The following TRPM3 variants were observed in gnomAD, a reference collection of about 807,000 sequenced individuals.
TRPM3 encodes the protein transient receptor potential cation channel subfamily M member 3.
In TRPM3, 77 loss-of-function variants were observed where a neutral mutation model predicts 181.2. The observed-to-expected ratio is 0.42, with a 90% confidence interval of 0.35 to 0.51. The LOEUF (loss-of-function observed/expected upper bound fraction) is 0.51. TRPM3 is among the 20% of genes least tolerant of loss of function. TRPM3 has a pLI of 0.01. For synonymous variants in TRPM3, 745 were observed against 796.4 expected (o/e 0.94, Z 1.09); for missense variants, 1,759 against 2,196.7 (o/e 0.80, Z 3.98).
intron 1 of TRPM3, among the ~76,000 whole-genome samples, chr9:71,320,342 A>T (rs2089094746): frequency 6.6e-6 from 1 of 152,040 alleles, no homozygotes. Flanking sequence ...ACAAATGCTT[A>T]TTACATGGTC....
chr9:70,898,747 C>CAAAAAAA (rs34952516), intron 1 of TRPM3, among the ~76,000 whole-genome samples: 3 of 93,342 alleles, frequency 3.2e-5, no homozygotes, highest in Admixed American at 1.2e-4. Context: ...GACTTCATCT[C>CAAAAAAA]AAAAAAAAAA....
chr9:71,296,568 G>A (rs1010177509), intron 1 of TRPM3, among the ~76,000 whole-genome samples: 9 of 152,080 alleles, frequency 5.9e-5, no homozygotes, highest in Admixed American at 5.9e-4. Context: ...CATGAATGGG[G>A]CCTCATGAGA....
chr9:71,277,836 T>C (rs1405266854), intron 1 of TRPM3, among the ~76,000 whole-genome samples: 1 of 152,178 alleles, frequency 6.6e-6, no homozygotes, highest in Non-Finnish European at 1.5e-5. Flanking sequence ...TAGTTAAGCA[T>C]CGCACTCCAC....
intron 1 of TRPM3, among the ~76,000 whole-genome samples, chr9:70,966,786 C>A (rs2097189878): frequency 6.6e-6 from 1 of 151,984 alleles, no homozygotes; most frequent in Non-Finnish European, 1.5e-5. Context: ...CTTATGGGTA[C>A]TCAGCTTAAT....
At chr9:71,178,782 G>A (rs1431129764) in intron 1 of TRPM3, among the ~76,000 whole-genome samples, 1 of 152,044 alleles carries the variant, frequency 6.6e-6, no homozygotes, top group African/African-American at 2.4e-5. Context: ...ACGCACAAAT[G>A]TTACAGGATC....
intron 8 of TRPM3, among the ~76,000 whole-genome samples, chr9:70,747,968 C>A (rs986316355): frequency 2.6e-5 from 4 of 151,444 alleles, no homozygotes; most frequent in African/African-American, 9.7e-5. Flanking sequence ...ATTGAAGTCA[C>A]AATAGTGAAT....
rs76931726 is a variant in TRPM3, at chr9:70,986,573, C to T, written c.178-122062G>A. Reference sequence around the variant, plus strand: ...GGTGGATATTATTATCTCCATTTCACAGACAAGGAAACAAAGACCCAGAGA... The same window carrying T: ...GGTGGATATTATTATCTCCATTTCATAGACAAGGAAACAAAGACCCAGAGA... On this transcript the variant is annotated intron_variant, in intron 1 of 25. Transcript: ENST00000677713. 3.7e-3 allele frequency among the ~76,000 whole-genome samples: 569 copies of T among 152,196 alleles called. 4 individuals are homozygous for T. The highest frequency in any genetic ancestry group is 0.013 in the African/African-American group (538 of 41,514).
intron 1 of TRPM3, among the ~76,000 whole-genome samples, chr9:70,996,788 T>C (rs997067210): frequency 4.6e-5 from 7 of 152,228 alleles, no homozygotes; most frequent in African/African-American, 1.7e-4. Context: ...ATTTATTATC[T>C]AGGATTTTAA....
chr9:70,600,265 C>G (rs2059653556), intron 20 of TRPM3, among the ~76,000 whole-genome samples: 3 of 151,928 alleles, frequency 2.0e-5, no homozygotes, highest in Non-Finnish European at 2.9e-5. Context: ...TCCATCTCTT[C>G]AAACCATGAC....
chr9:70,893,051 C>T (rs2096234728), intron 1 of TRPM3, among the ~76,000 whole-genome samples: 1 of 152,144 alleles, frequency 6.6e-6, no homozygotes, highest in South Asian at 2.1e-4. Flanking sequence ...ACAATATATT[C>T]TGAAAAAGAG....
At chr9:70,959,112 C>A (rs1312597102) in intron 1 of TRPM3, among the ~76,000 whole-genome samples, 1 of 151,250 alleles carries the variant, frequency 6.6e-6, no homozygotes, top group Non-Finnish European at 1.5e-5. Context: ...ATGTAACTAA[C>A]CTGCACATTG....
At chr9:70,751,142 C>T (rs1048699677) in intron 8 of TRPM3, among the ~76,000 whole-genome samples, 4 of 151,582 alleles carry the variant, frequency 2.6e-5, no homozygotes, top group African/African-American at 4.8e-5. Flanking sequence ...TCTAATATGA[C>T]GTTAAAAACA....
Position 70,603,393 on chromosome 9 carries a change from T to C in TRPM3, c.2745A>G (p.Glu915=). The change falls in exon 20 of 26, where the codon GAA becomes GAG. Residue 915 remains glutamate (E), a synonymous_variant. Transcript: ENST00000677713. The stretch of plus-strand genomic sequence containing the variant: ...TGAAAATATAGGAGATTACGATCCA[T>C]TCCTGGGTGGACGGCCAGCGTTCCA... The part of the protein sequence containing the change: ...VKMERWPSTQ[E]WIVISYIFTL... 1 of 1,614,162 alleles carries C rather than the reference T, an allele frequency of 6.2e-7. No homozygotes were observed. The highest frequency in any genetic ancestry group is 8.5e-7 in the Non-Finnish European group (1 of 1,180,010).
chr9:71,300,537 A>C (rs2086673477), intron 1 of TRPM3, among the ~76,000 whole-genome samples: 1 of 152,092 alleles, frequency 6.6e-6, no homozygotes, highest in Admixed American at 6.6e-5. Context: ...CAGTACTGTT[A>C]ACTCAAAACA....
chr9:71,304,124 A>C (rs2087036442), intron 1 of TRPM3, among the ~76,000 whole-genome samples: 1 of 152,174 alleles, frequency 6.6e-6, no homozygotes, highest in Non-Finnish European at 1.5e-5. Flanking sequence ...GAAACTGCAC[A>C]CATAATTGAT....
At chr9:70,840,391 A>G (rs947270449) in intron 5 of TRPM3, among the ~76,000 whole-genome samples, 1 of 152,070 alleles carries the variant, frequency 6.6e-6, no homozygotes, top group Non-Finnish European at 1.5e-5. Flanking sequence ...CCTTTTTGCA[A>G]TAGTCTCTCC....
chr9:70,629,264 C>T (rs11142517), intron 12 of TRPM3, among the ~76,000 whole-genome samples: 53,804 of 116,070 alleles, frequency 0.46, 14,057 homozygotes, highest in Non-Finnish European at 0.57. Context: ...GGGCGATATT[C>T]ACCTAACCGA....
At chr9:70,888,362 GGT>G (rs71367235) in intron 1 of TRPM3, among the ~76,000 whole-genome samples, 12,694 of 143,586 alleles carry the variant, frequency 0.088, 561 homozygotes, top group South Asian at 0.12. Context: ...TTTATTTTGG[GGT>G]GTGTGTGTGT....
At chr9:70,778,858 A>G (rs1413375316) in intron 7 of TRPM3, among the ~76,000 whole-genome samples, 1 of 152,156 alleles carries the variant, frequency 6.6e-6, no homozygotes, top group Admixed American at 6.6e-5. Flanking sequence ...GCACAGAATG[A>G]CAGGCCCTAG....
Sources: gnomAD v4.1 joint callset for allele counts (sites outside exome capture counted in the v4.1 genomes callset) on GRCh38, gnomAD v4.1.1 for gene constraint, MANE v1.5 for transcripts, NCBI Gene and HGNC (gene_info 2026-07-23, HGNC 2026-07-21) for gene names.